LRRTM4: variants seen among roughly 807,000 people sequenced by gnomAD.
LRRTM4 encodes the protein leucine-rich repeat transmembrane neuronal protein 4.
A neutral mutation model predicts 47.6 loss-of-function variants in LRRTM4; 25 were observed. The ratio of observed to expected loss-of-function variants is 0.53; its 90% CI spans 0.38 to 0.73. LRRTM4 has a LOEUF of 0.73. Among genes scored for constraint, LRRTM4 ranks in the 30% least tolerant of loss-of-function variants. LRRTM4 has a pLI of 0.00. For synonymous variants in LRRTM4, 311 were observed against 269.5 expected, an observed-to-expected ratio of 1.15 and a Z score of -1.51; for missense variants, 638 against 713.4, an observed-to-expected ratio of 0.89 and a Z score of 1.20.
At chr2:76,780,529 C>G (rs921501951) in intron 3 of LRRTM4, among the ~76,000 whole-genome samples, 2 of 152,160 alleles carry the variant, frequency 1.3e-5, no homozygotes, top group East Asian at 1.9e-4. Flanking sequence ...TTGCTGATAC[C>G]CTTTTTTCCA....
At chr2:77,501,310 AT>A (rs1248266669) in intron 3 of LRRTM4, among the ~76,000 whole-genome samples, 1 of 150,734 alleles carries the variant, frequency 6.6e-6, no homozygotes, top group African/African-American at 2.4e-5. Context: ...TTTCATATAT[AT>A]TTGTATATAT....
At chr2:77,230,218 A>G (rs1192889085) in intron 3 of LRRTM4, among the ~76,000 whole-genome samples, 1 of 152,190 alleles carries the variant, frequency 6.6e-6, no homozygotes, top group African/African-American at 2.4e-5. Flanking sequence ...CACATCATTA[A>G]TTATTAACCT....
At chr2:77,155,639 C>T (rs920205314) in intron 3 of LRRTM4, among the ~76,000 whole-genome samples, 3 of 151,764 alleles carry the variant, frequency 2.0e-5, no homozygotes, top group African/African-American at 7.3e-5. Flanking sequence ...AAAGACCTTC[C>T]TAGCAGACAG....
intron 3 of LRRTM4, among the ~76,000 whole-genome samples, chr2:76,877,096 G>T (rs1672799563): frequency 6.6e-6 from 1 of 151,986 alleles, no homozygotes; most frequent in Non-Finnish European, 1.5e-5. Context: ...TCCTATAAAT[G>T]CTAGCTCTTA....
At chr2:76,998,252 G>A (rs2104013868) in intron 3 of LRRTM4, among the ~76,000 whole-genome samples, 1 of 152,094 alleles carries the variant, frequency 6.6e-6, no homozygotes, top group Non-Finnish European at 1.5e-5. Context: ...TACACTGCCT[G>A]CTATCCCATT....
intron 3 of LRRTM4, among the ~76,000 whole-genome samples, chr2:77,145,838 T>C (rs1672245806): frequency 6.6e-6 from 1 of 151,680 alleles, no homozygotes; most frequent in Non-Finnish European, 1.5e-5. Context: ...TATGCTTAAG[T>C]GGCAGAAGGC....
At chr2:77,071,928 G>T (rs1179467907) in intron 3 of LRRTM4, among the ~76,000 whole-genome samples, 1 of 152,192 alleles carries the variant, frequency 6.6e-6, no homozygotes, top group African/African-American at 2.4e-5. Context: ...CATCGGGCTA[G>T]TGGGTGGTAT....
intron 3 of LRRTM4, among the ~76,000 whole-genome samples, chr2:77,300,040 C>T (rs1451311051): frequency 6.6e-6 from 1 of 151,676 alleles, no homozygotes; most frequent in African/African-American, 2.4e-5. Context: ...TTAGTAGACA[C>T]GGGGTTTCAC....
chr2:77,481,760 T>C (rs1677711736), intron 3 of LRRTM4, among the ~76,000 whole-genome samples: 1 of 152,134 alleles, frequency 6.6e-6, no homozygotes, highest in Non-Finnish European at 1.5e-5. Context: ...ATACATAAAA[T>C]AGAAAGTCCT....
intron 3 of LRRTM4, among the ~76,000 whole-genome samples, chr2:77,082,930 T>C (rs1680580265): frequency 6.6e-6 from 1 of 152,110 alleles, no homozygotes; most frequent in South Asian, 2.1e-4. Context: ...GCATCTTATA[T>C]TTAAAATAAT....
At chr2:77,351,039 T>C (rs1293092132) in intron 3 of LRRTM4, among the ~76,000 whole-genome samples, 1 of 152,166 alleles carries the variant, frequency 6.6e-6, no homozygotes, top group Non-Finnish European at 1.5e-5. Flanking sequence ...CTAGTACCCA[T>C]TAGTTACTTT....
At chr2:76,833,170 A>G (rs1161072258) in intron 3 of LRRTM4, among the ~76,000 whole-genome samples, 1 of 152,186 alleles carries the variant, frequency 6.6e-6, no homozygotes, top group Non-Finnish European at 1.5e-5. Context: ...ACATAAAATA[A>G]TGGTTGAAAC....
intron 3 of LRRTM4, among the ~76,000 whole-genome samples, chr2:77,252,256 T>A (rs952347077): frequency 1.3e-5 from 2 of 152,172 alleles, no homozygotes; most frequent in East Asian, 1.9e-4. Context: ...GGTCATCAGA[T>A]ACCTTAGATG....
At chr2:77,009,023 G>A (rs895849252) in intron 3 of LRRTM4, 15 of 151,224 alleles carry the variant, frequency 9.9e-5, no homozygotes, top group Non-Finnish European at 2.1e-4. Flanking sequence ...TTCATTCACA[G>A]AGTGTGAACC....
intron 3 of LRRTM4, among the ~76,000 whole-genome samples, chr2:76,914,866 AG>A (rs1338850408): frequency 6.6e-6 from 1 of 152,222 alleles, no homozygotes; most frequent in East Asian, 1.9e-4. Flanking sequence ...TAAAGAGCAA[AG>A]GCTCTAGATC....
intron 3 of LRRTM4, among the ~76,000 whole-genome samples, chr2:77,165,318 T>G (rs1161750112): frequency 6.6e-6 from 1 of 152,072 alleles, no homozygotes; most frequent in East Asian, 1.9e-4. Context: ...GAGGCAATAA[T>G]TAATAGCTTA....
At chr2:77,436,953 A>G (rs532641530) in intron 3 of LRRTM4, among the ~76,000 whole-genome samples, 1 of 151,974 alleles carries the variant, frequency 6.6e-6, no homozygotes, top group Non-Finnish European at 1.5e-5. Context: ...TCCACATAAC[A>G]TATATATAAA....
chr2:76,791,141 TTAAGTGAAAAC>T (rs1326091209), intron 3 of LRRTM4, among the ~76,000 whole-genome samples: 1 of 152,150 alleles, frequency 6.6e-6, no homozygotes, highest in African/African-American at 2.4e-5. Context: ...CTACTTCTTC[TTAAGTGAAAAC>T]TAAAGACAGA....
chr2:77,123,639 T>C (rs1671576374), intron 3 of LRRTM4, among the ~76,000 whole-genome samples: 1 of 150,884 alleles, frequency 6.6e-6, no homozygotes, highest in Non-Finnish European at 1.5e-5. Flanking sequence ...AAAAAGGAGG[T>C]TTTTTCTCTT....
Sources: allele counts gnomAD v4.1 joint callset (sites outside exome capture counted in the v4.1 genomes callset), GRCh38; gene constraint gnomAD v4.1.1; transcripts MANE v1.5; gene names NCBI Gene and HGNC (gene_info 2026-07-23, HGNC 2026-07-21).